The following ZNF888 variants were observed in gnomAD, a reference collection of about 807,000 sequenced individuals.
The protein encoded by ZNF888 is CTD-2331H12.6.
A neutral mutation model predicts 7.2 loss-of-function variants in ZNF888; 5 were observed. The ratio of observed to expected loss-of-function variants is 0.70; its 90% CI spans 0.36 to 1.46. The LOEUF (loss-of-function observed/expected upper bound fraction) is 1.46. ZNF888 is among the 40% of genes most tolerant of loss of function. ZNF888 has a pLI of 0.03. For synonymous variants in ZNF888, 240 were observed against 284.3 expected (o/e 0.84, Z 1.57); for missense variants, 716 against 858.0 (o/e 0.83, Z 2.07).
rs1301745889 is a variant in ZNF888 at position 52,917,838 on chromosome 19, CCA to C, written c.15+19_15+20del. 2 of 1,613,410 alleles carry C rather than the reference CCA, an allele frequency of 1.2e-6. No homozygotes were observed. The highest frequency in any genetic ancestry group is 1.7e-6 in the Non-Finnish European group (2 of 1,179,844). On this transcript the variant is annotated intron_variant, in intron 3 of 4. Transcript: ENST00000638862. ...TCTGAAAGGAAGGAGACAGAACAAT[CCA>C]CAGAGAATATCATCTCACCTGAGGA...
In ZNF888 at chr19:52,905,080, A is replaced by C. The variant is rs1284698639; in HGVS notation, c.*1085T>G. ...AAAATGATTAAAAACATACATAGAGATACAACCCATATTGATAGTTTGGAA... is the reference window on the plus strand; with the variant it reads ...AAAATGATTAAAAACATACATAGAGCTACAACCCATATTGATAGTTTGGAA... On this transcript the variant is annotated 3_prime_UTR_variant, in exon 5 of 5. Coordinates refer to ENST00000638862, the MANE Select transcript of ZNF888 (RefSeq NM_001393938.1). The C allele has an allele frequency of 1.3e-5, 2 of 152,336 alleles. No homozygotes were observed. The highest frequency in any genetic ancestry group is 1.5e-5 in the Non-Finnish European group (1 of 68,042). 9.4% of individuals were successfully genotyped at this position (152,336 alleles called of 1,614,324 possible). A position where few individuals can be genotyped will look rare whatever the true frequency, so the allele number is the denominator to read the frequency against.
Position 52,906,127 on chromosome 19 carries a change from G to A in ZNF888, c.*38C>T, listed in dbSNP as rs1259978629. 1 of 1,611,914 alleles carries A rather than the reference G, an allele frequency of 6.2e-7. No individual in the cohort carries two copies. The highest frequency in any genetic ancestry group is 1.3e-5 in the African/African-American group (1 of 74,836). On this transcript the variant is annotated 3_prime_UTR_variant, in exon 5 of 5. Coordinates refer to ENST00000638862, the MANE Select transcript of ZNF888 (RefSeq NM_001393938.1). ...ATGGATTCTTCAATGATTTGCAATGGTTGTAGCGTTACTGAAGACTTGGTG... is the reference window on the plus strand; with the variant it reads ...ATGGATTCTTCAATGATTTGCAATGATTGTAGCGTTACTGAAGACTTGGTG...
rs561066285 is a variant in ZNF888 at position 52,907,695 on chromosome 19, C to T, written c.627G>A (p.Arg209=). The stretch of plus-strand genomic sequence containing the variant: ...CATTAAATTGGAAAGATTTTTCTTT[C>T]CTGTGTACATCCTGTTTCTGTGTGA... ...SLLTQKQDVH[R]KEKSFQFNES... Residue 209 remains arginine (R), a synonymous_variant, in exon 5 of 5, where the codon AGG becomes AGA. Coordinates refer to ENST00000638862, the MANE Select transcript of ZNF888 (RefSeq NM_001393938.1). 48 of 1,609,262 alleles carry T rather than the reference C, an allele frequency of 3.0e-5. No homozygotes were observed. The highest frequency in any genetic ancestry group is 3.7e-5 in the Non-Finnish European group (43 of 1,178,058).
At chr19:52,915,770 C>T (rs940599868) in intron 3 of ZNF888, among the ~76,000 whole-genome samples, 10 of 105,902 alleles carry the variant, frequency 9.4e-5, no homozygotes, top group East Asian at 2.2e-4. Context: ...CCACCATACC[C>T]GGCCTCACAT....
rs544671581 is a variant in ZNF888, at chr19:52,906,163, C to T, written c.*2G>A. The T allele has an allele frequency of 2.5e-6, 4 of 1,612,768 alleles. No individual in the cohort carries two copies. In the African/African-American group the frequency reaches 5.3e-5, roughly 21 times the overall value. ...ACTGAAGACTTGGTGACAATCATTA[C>T]ATTAGTCAAGTTTCCCTACACCATG... is the stretch of plus-strand genomic sequence containing the variant. On this transcript the variant is annotated 3_prime_UTR_variant, in exon 5 of 5. Transcript: ENST00000638862.
At chr19:52,914,315 C>A (rs1179052505) in intron 4 of ZNF888, 8 of 982,992 alleles carry the variant, frequency 8.1e-6, no homozygotes, top group Non-Finnish European at 9.7e-6. Flanking sequence ...AATATATTCC[C>A]ACCCATCTGG....
rs2147944061 is a variant in ZNF888 at position 52,923,405 on chromosome 19, C to T, written c.-214G>A. The T allele has an allele frequency of 1.0e-6, 1 of 985,958 alleles. No homozygotes were observed. Among genetic ancestry groups the T allele is most frequent in the East Asian group, 1.1e-4 (1 of 8,796 alleles). The allele number at this position is 985,958 out of a possible 1,614,324, so 61.1% of individuals were successfully genotyped here. On this transcript the variant is annotated 5_prime_UTR_variant, in exon 1 of 5. Coordinates refer to ENST00000638862, the MANE Select transcript of ZNF888 (RefSeq NM_001393938.1). ...GACTTCCAGTCCACGCGATCCGCTTCCTGGTCCGGGCGAATCTACAAGCAC... is the reference window on the plus strand; with the variant it reads ...GACTTCCAGTCCACGCGATCCGCTTTCTGGTCCGGGCGAATCTACAAGCAC...
intron 4 of ZNF888, among the ~76,000 whole-genome samples, chr19:52,912,411 C>A (rs2077729691): frequency 6.6e-6 from 1 of 151,108 alleles, no homozygotes; most frequent in Admixed American, 6.6e-5. Flanking sequence ...CCGTGCCTGG[C>A]CAGCAATAAC....
At chr19:52,911,816 T>A (rs779987846) in intron 4 of ZNF888, among the ~76,000 whole-genome samples, 3 of 151,770 alleles carry the variant, frequency 2.0e-5, no homozygotes, top group Non-Finnish European at 2.9e-5. Context: ...TATTTTATTT[T>A]ATTTATTTTT....
chr19:52,914,585 C>T (rs1359207032), intron 4 of ZNF888, among the ~76,000 whole-genome samples: 1 of 152,198 alleles, frequency 6.6e-6, no homozygotes, highest in Non-Finnish European at 1.5e-5. Flanking sequence ...ATGTGGACAT[C>T]GAGCTCTCTT....
chr19:52,905,444 T>TAAA lies in ZNF888; in HGVS notation c.*718_*720dup, dbSNP rs35926269. The TAAA allele has an allele frequency of 0.12, 18,401 of 151,256 alleles. 1,865 individuals carry two copies. Among genetic ancestry groups the TAAA allele is most frequent in the African/African-American group, 0.29 (10,989 of 38,134 alleles). 9.4% of individuals were successfully genotyped at this position (151,256 alleles called of 1,614,324 possible). A position where few individuals can be genotyped will look rare whatever the true frequency, so the allele number is the denominator to read the frequency against. On this transcript the variant is annotated 3_prime_UTR_variant, in exon 5 of 5. Transcript: ENST00000638862. ...CTCAGCTTGCCTGCACCCAGGTGAT[T>TAAA]AAAAAAAAAAAAAATCTGTATCTGT... is the stretch of plus-strand genomic sequence containing the variant.
chr19:52,910,393 C>A (rs2064664578), intron 4 of ZNF888, among the ~76,000 whole-genome samples: 1 of 152,094 alleles, frequency 6.6e-6, no homozygotes, highest in South Asian at 2.1e-4. Context: ...ATCATTTGAA[C>A]CTGGGAGGCG....
intron 1 of ZNF888, among the ~76,000 whole-genome samples, chr19:52,919,887 C>A (rs1351652506): frequency 3.4e-5 from 2 of 58,958 alleles, no homozygotes; most frequent in Non-Finnish European, 4.0e-5. Flanking sequence ...GCCTGGCAAC[C>A]GCCCCGTCTG....
intron 1 of ZNF888, among the ~76,000 whole-genome samples, chr19:52,922,273 T>TCCC (rs1568424469): frequency 1.0e-5 from 1 of 98,466 alleles, no homozygotes; most frequent in Non-Finnish European, 2.2e-5. Context: ...CCATCTCTCC[T>TCCC]GAGCTCTCCC....
chr19:52,910,447 G>T (rs2064665261), intron 4 of ZNF888, among the ~76,000 whole-genome samples: 1 of 152,158 alleles, frequency 6.6e-6, no homozygotes, highest in South Asian at 2.1e-4. Flanking sequence ...CTCCAGCCTG[G>T]GTGAGAGAAT....
At chr19:52,923,225 G>A (rs918706165) in intron 1 of ZNF888, 144 bp downstream of exon 1, 1 of 918,888 alleles carries the variant, frequency 1.1e-6, no homozygotes, top group Non-Finnish European at 1.3e-6. Flanking sequence ...AGTGACTTCC[G>A]GACTCCTAGG....
chr19:52,914,009 C>A (rs1039251013), intron 4 of ZNF888, among the ~76,000 whole-genome samples: 2 of 152,132 alleles, frequency 1.3e-5, no homozygotes, highest in African/African-American at 4.8e-5. Flanking sequence ...CCTGCAGTCC[C>A]AGCTACCCAG....
chr19:52,921,393 T>G (rs2064821630), intron 1 of ZNF888, among the ~76,000 whole-genome samples: 1 of 152,138 alleles, frequency 6.6e-6, no homozygotes. Context: ...AGCTGTGATG[T>G]CCTCACAGTG....
chr19:52,917,738 G>A lies in ZNF888; in HGVS notation c.15+121C>T, dbSNP rs1208620022. 5 of 1,537,070 alleles carry A rather than the reference G, an allele frequency of 3.3e-6. No individual in the cohort carries two copies. The African/African-American group carries it at 6.8e-5, about 21-fold the overall frequency. ...GATGAGAGGGACTGAGGGAAGGCATGGGTGAGTGTGAGCAAACCTGTCACG... is the reference window on the plus strand; with the variant it reads ...GATGAGAGGGACTGAGGGAAGGCATAGGTGAGTGTGAGCAAACCTGTCACG... On this transcript the variant is annotated intron_variant, in intron 3 of 4. Coordinates refer to ENST00000638862, the MANE Select transcript of ZNF888 (RefSeq NM_001393938.1).
Sources: allele counts gnomAD v4.1 joint callset (sites outside exome capture counted in the v4.1 genomes callset), GRCh38; gene constraint gnomAD v4.1.1; transcripts MANE v1.5; gene names NCBI Gene and HGNC (gene_info 2026-07-23, HGNC 2026-07-21).